CCDC144A: variants seen among roughly 807,000 people sequenced by gnomAD.
CCDC144A encodes the protein coiled-coil domain containing 144A.
In CCDC144A, 41 loss-of-function variants were observed where a neutral mutation model predicts 143.8. The ratio of observed to expected loss-of-function variants is 0.29; its 90% CI spans 0.22 to 0.37. The LOEUF is 0.37. Among genes scored for constraint, CCDC144A ranks in the 10% least tolerant of loss-of-function variants. The pLI, the probability that CCDC144A is intolerant of heterozygous loss-of-function variation, is 1.00. For synonymous variants in CCDC144A, 242 were observed against 517.9 expected (o/e 0.47, Z 7.23); for missense variants, 637 against 1,488.8 (o/e 0.43, Z 9.41).
At chr17:16,719,779 A>T (rs1011785946) in intron 6 of CCDC144A, among the ~76,000 whole-genome samples, 1 of 152,132 alleles carries the variant, frequency 6.6e-6, no homozygotes, top group Non-Finnish European at 1.5e-5. Flanking sequence ...GGTTTCCCTT[A>T]TATAAGAATG....
intron 12 of CCDC144A, among the ~76,000 whole-genome samples, chr17:16,743,516 T>A (rs1228067545): frequency 6.6e-6 from 1 of 151,972 alleles, no homozygotes; most frequent in Non-Finnish European, 1.5e-5. Context: ...TGAAGTCAGG[T>A]GGAGTGATGC....
At chr17:16,708,725 C>T in intron 4 of CCDC144A, 71 bp from the exon 5 acceptor site, 1 of 1,599,948 alleles carries the variant, frequency 6.3e-7, no homozygotes, top group Non-Finnish European at 8.5e-7. Context: ...ATTTTTAAAA[C>T]ATGTAGCCCA....
chr17:16,691,305 G>A (rs1911056181), intron 1 of CCDC144A, among the ~76,000 whole-genome samples: 1 of 152,098 alleles, frequency 6.6e-6, no homozygotes. Context: ...ATTGCTACCA[G>A]ATCTGTATGC....
intron 15 of CCDC144A, chr17:16,765,096 G>A (rs1915539226): frequency 1.1e-5 from 1 of 94,722 alleles, no homozygotes; most frequent in Admixed American, 1.3e-4. Context: ...CTATTTCTGG[G>A]GATTTCAAAA....
chr17:16,771,555 T>C (rs1465965516), intron 15 of CCDC144A, among the ~76,000 whole-genome samples: 1 of 152,246 alleles, frequency 6.6e-6, no homozygotes, highest in African/African-American at 2.4e-5. Flanking sequence ...TTTCTAAAAG[T>C]GGAGAATGGG....
At chr17:16,692,731 C>T (rs1253509891) in intron 1 of CCDC144A, among the ~76,000 whole-genome samples, 1 of 151,708 alleles carries the variant, frequency 6.6e-6, no homozygotes, top group Non-Finnish European at 1.5e-5. Flanking sequence ...GGACGCTTTC[C>T]ATTATGCCAA....
chr17:16,673,685 C>G, the CCDC144A span, among the ~76,000 whole-genome samples: 1 of 152,098 alleles, frequency 6.6e-6, no homozygotes, highest in Non-Finnish European at 1.5e-5. Context: ...CACGCCCGGC[C>G]TATCTTCGTT....
intron 6 of CCDC144A, among the ~76,000 whole-genome samples, chr17:16,716,737 A>G (rs935682911): frequency 3.3e-5 from 5 of 151,962 alleles, no homozygotes; most frequent in Non-Finnish European, 7.4e-5. Context: ...TAAAAACAAA[A>G]CCCAAAACAT....
chr17:16,734,282 G>A (rs1457056073), intron 11 of CCDC144A, among the ~76,000 whole-genome samples: 4 of 152,050 alleles, frequency 2.6e-5, no homozygotes, highest in African/African-American at 7.3e-5. Flanking sequence ...CTTAAAGAAC[G>A]TTGGAACATT....
intron 6 of CCDC144A, among the ~76,000 whole-genome samples, chr17:16,713,333 A>G (rs1226208536): frequency 6.6e-6 from 1 of 151,446 alleles, no homozygotes; most frequent in Non-Finnish European, 1.5e-5. Context: ...CCTCTTTTTA[A>G]AGGTACCCTA....
At chr17:16,732,993 C>G (rs1913817833) in intron 11 of CCDC144A, among the ~76,000 whole-genome samples, 1 of 151,700 alleles carries the variant, frequency 6.6e-6, no homozygotes, top group Admixed American at 6.6e-5. Context: ...AACAGACGTT[C>G]TAGTTTTCAG....
the CCDC144A span, chr17:16,683,559 G>C: frequency 8.5e-5 from 136 of 1,597,420 alleles, no homozygotes; most frequent in African/African-American, 1.6e-3. Flanking sequence ...CTTTCTGACC[G>C]GGAATGAGTG....
At chr17:16,750,823 T>A (rs1012548704) in intron 12 of CCDC144A, among the ~76,000 whole-genome samples, 3 of 152,078 alleles carry the variant, frequency 2.0e-5, no homozygotes, top group Non-Finnish European at 4.4e-5. Context: ...CTCCGCTTGG[T>A]CTCATCTGGT....
intron 12 of CCDC144A, among the ~76,000 whole-genome samples, chr17:16,748,171 G>C (rs199803363): frequency 1.3e-5 from 2 of 151,808 alleles, no homozygotes; most frequent in Non-Finnish European, 2.9e-5. Flanking sequence ...GCATGAGCCA[G>C]TGCACTTAGC....
chr17:16,754,992 TCTTTTA>T, intron 12 of CCDC144A, among the ~76,000 whole-genome samples: 1 of 152,254 alleles, frequency 6.6e-6, no homozygotes, highest in South Asian at 2.1e-4. Context: ...CTTCTCTTTC[TCTTTTA>T]TTTTATTTTA....
chr17:16,689,040 T>C (rs1432324066), upstream of CCDC144A, among the ~76,000 whole-genome samples: 2 of 152,144 alleles, frequency 1.3e-5, no homozygotes, highest in Non-Finnish European at 2.9e-5. Flanking sequence ...GAGGCTTCAG[T>C]GACAAAATCT....
the CCDC144A span, chr17:16,667,251 C>G: frequency 5.1e-6 from 1 of 196,810 alleles, no homozygotes; most frequent in Non-Finnish European, 1.0e-5. Context: ...GGGGCTGAGG[C>G]GGCTGAGGCG....
chr17:16,717,569 TG>T (rs1263804863), intron 6 of CCDC144A, among the ~76,000 whole-genome samples: 1 of 152,210 alleles, frequency 6.6e-6, no homozygotes, highest in Non-Finnish European at 1.5e-5. Context: ...ATTTTTTCCC[TG>T]GTGAGCTCCT....
At chr17:16,757,922 G>C (rs1915174845) in intron 12 of CCDC144A, among the ~76,000 whole-genome samples, 1 of 152,266 alleles carries the variant, frequency 6.6e-6, no homozygotes, top group Non-Finnish European at 1.5e-5. Context: ...GATGATCCTG[G>C]TTGGGCTGGC....
Sources: allele counts gnomAD v4.1 joint callset (sites outside exome capture counted in the v4.1 genomes callset), GRCh38; gene constraint gnomAD v4.1.1; transcripts MANE v1.5; gene names NCBI Gene and HGNC (gene_info 2026-07-23, HGNC 2026-07-21).